Variants in UBXN6 observed in about 807,000 individuals in gnomAD.
UBXN6 encodes the protein UBX domain protein 6.
In UBXN6, 44 loss-of-function variants were observed where a neutral mutation model predicts 51.4. The ratio of observed to expected loss-of-function variants is 0.86; its 90% CI spans 0.67 to 1.10. The LOEUF (loss-of-function observed/expected upper bound fraction) is 1.10. Ranked by LOEUF, UBXN6 falls within the 50% of genes least tolerant of loss-of-function variation. UBXN6 has a pLI of 0.00. For missense variants in UBXN6, 672 were observed against 596.1 expected, an observed-to-expected ratio of 1.13 and a Z score of -1.32; for synonymous variants, 316 against 263.2, an observed-to-expected ratio of 1.20 and a Z score of -1.94.
chr19:4,456,221 C>T (rs975540527), intron 1 of UBXN6, among the ~76,000 whole-genome samples: 1 of 151,724 alleles, frequency 6.6e-6, no homozygotes, highest in African/African-American at 2.4e-5. Flanking sequence ...CCCAGCACCC[C>T]CCACCCACTA....
At chr19:4,456,657 G>A (rs775376208) in intron 1 of UBXN6, among the ~76,000 whole-genome samples, 79 of 151,950 alleles carry the variant, frequency 5.2e-4, no homozygotes, top group Non-Finnish European at 1.0e-3. Context: ...CCCTGCTCAG[G>A]CCCTTCTCTC....
chr19:4,446,860 CCTT>C lies in UBXN6; in HGVS notation c.673_675del (p.Lys225del), dbSNP rs1974542357. The C allele has an allele frequency of 6.2e-7, 1 of 1,614,088 alleles. No homozygotes were observed. Among genetic ancestry groups the C allele is most frequent in the Non-Finnish European group, 8.5e-7 (1 of 1,180,028 alleles). ...CCCTGATCCTGGGCGGGAAGCAACA[CCTT>C]CTGGAACCCAATGGCCTCAAAAAAC... On this transcript the variant is annotated inframe_deletion, in exon 7 of 11. Coordinates refer to ENST00000301281, the MANE Select transcript of UBXN6 (RefSeq NM_025241.3).
chr19:4,451,314 T>TC (rs777010232), intron 4 of UBXN6, among the ~76,000 whole-genome samples: 5 of 152,090 alleles, frequency 3.3e-5, no homozygotes, highest in Admixed American at 6.5e-5. Flanking sequence ...TGCCTCAGCC[T>TC]CCCAAAGCAC....
At chr19:4,445,714 C>T in intron 10 of UBXN6, 91 bp from the exon 11 acceptor site, 3 of 1,544,234 alleles carry the variant, frequency 1.9e-6, no homozygotes, top group East Asian at 4.5e-5. Context: ...CGGGGATGCC[C>T]CGGCCTGGAA....
intron 1 of UBXN6, chr19:4,455,175 G>A (rs375603947): frequency 1.8e-5 from 18 of 980,752 alleles, no homozygotes; most frequent in African/African-American, 3.5e-5. Context: ...CTGCTCGGAC[G>A]CGTCTGTCTC....
At chr19:4,457,102 A>T (rs900265296) in intron 1 of UBXN6, among the ~76,000 whole-genome samples, 1 of 151,716 alleles carries the variant, frequency 6.6e-6, no homozygotes. Flanking sequence ...GTCCTCCTCC[A>T]AGCTCAGCTC....
rs200528029 is a variant in UBXN6 at position 4,446,787 on chromosome 19, C to T, written c.700+49G>A. On this transcript the variant is annotated intron_variant, in intron 7 of 10. Transcript: ENST00000301281. ...ACCCCCAAGCCGGGCCCTCCTGCCC[C>T]GAGGCCCCTCGTCCCCATTCCCTAC... The T allele has an allele frequency of 9.2e-4, 1,490 of 1,613,258 alleles. 4 individuals are homozygous for T. The highest frequency in any genetic ancestry group is 3.1e-3 in the Admixed American group (186 of 59,980).
At chr19:4,455,885 T>C (rs1009236011) in intron 1 of UBXN6, among the ~76,000 whole-genome samples, 2 of 152,066 alleles carry the variant, frequency 1.3e-5, no homozygotes, top group Non-Finnish European at 2.9e-5. Flanking sequence ...CTCACCCTCC[T>C]TGGAGGCCCT....
In UBXN6 at chr19:4,447,203, G is replaced by A. The variant is rs1012731442; in HGVS notation, c.616-283C>T. ...TGGGGCCTGATGCGAGGCTAACACCGCCCAGGACCCCAGTCCCTGCCCTTT... is the reference window on the plus strand; with the variant it reads ...TGGGGCCTGATGCGAGGCTAACACCACCCAGGACCCCAGTCCCTGCCCTTT... On this transcript the variant is annotated intron_variant, in intron 6 of 10. Coordinates refer to ENST00000301281, the MANE Select transcript of UBXN6 (RefSeq NM_025241.3). The A allele has an allele frequency of 1.0e-4, 60 of 579,398 alleles. No homozygotes were observed. The South Asian group carries it at 1.1e-3, about 11-fold the overall frequency. The allele number at this position is 579,398 out of a possible 1,614,324, so 35.9% of individuals were successfully genotyped here.
intron 10 of UBXN6, 194 bp downstream of exon 10, chr19:4,445,855 T>C: frequency 9.4e-7 from 1 of 1,061,492 alleles, no homozygotes; most frequent in Non-Finnish European, 1.3e-6. Flanking sequence ...ATGGGGAAAC[T>C]GAGGCGTGGA....
chr19:4,450,758 C>CAAAAAAAAAAAA (rs58900477), intron 4 of UBXN6: 2 of 43,800 alleles, frequency 4.6e-5, no homozygotes, highest in African/African-American at 9.5e-5. Flanking sequence ...GACTCTGTCT[C>CAAAAAAAAAAAA]AAAAAAAAAA....
Position 4,447,575 on chromosome 19 carries a change from A to G in UBXN6, c.590T>C (p.Ile197Thr). The G allele has an allele frequency of 6.2e-7, 1 of 1,613,706 alleles. No homozygotes were observed. Among genetic ancestry groups the G allele is most frequent in the Non-Finnish European group, 8.5e-7 (1 of 1,179,820 alleles). ...CTGAAACACCTTGTTCTGCAGCTTG[A>G]TCTTCCGGTACTTCTCCTCCTCGGG... Reference protein sequence around the residue: ...LHPEEEKYRKIKLQNKVFQER... With the variant: ...LHPEEEKYRKTKLQNKVFQER... Residue 197 changes from isoleucine (I) to threonine (T), a missense_variant, in exon 6 of 11, where the codon ATC (isoleucine) becomes ACC (threonine). By Grantham distance (89) the Ile-to-Thr change is moderately conservative. Coordinates refer to ENST00000301281, the MANE Select transcript of UBXN6 (RefSeq NM_025241.3).
At chr19:4,447,054 G>A (rs1303639122) in intron 6 of UBXN6, 134 bp from the exon 7 acceptor site, 2 of 808,978 alleles carry the variant, frequency 2.5e-6, no homozygotes, top group Non-Finnish European at 4.0e-6. Flanking sequence ...AGCCCTGGGG[G>A]TGCCTCAGTG....
intron 3 of UBXN6, among the ~76,000 whole-genome samples, chr19:4,453,082 C>G (rs971622731): frequency 6.6e-6 from 1 of 152,238 alleles, no homozygotes; most frequent in Non-Finnish European, 1.5e-5. Context: ...TCTGAAACCA[C>G]AGACTGGCTC....
At position 4,457,756 on chromosome 19, in the gene UBXN6, G is replaced by C; in HGVS notation, c.-59C>G. 8 of 1,059,662 alleles carry C rather than the reference G, an allele frequency of 7.5e-6. No homozygotes were observed. Among genetic ancestry groups the C allele is most frequent in the Non-Finnish European group, 1.0e-5 (8 of 791,958 alleles). The allele number at this position is 1,059,662 out of a possible 1,614,324, so 65.6% of individuals were successfully genotyped here. ...GGGCGGGGGGGCACGGGGCCCAGTC[G>C]GGGACGGGGCCGCCGGAGACCAGCC... On this transcript the variant is annotated 5_prime_UTR_variant, in exon 1 of 11. Coordinates refer to ENST00000301281, the MANE Select transcript of UBXN6 (RefSeq NM_025241.3).
At chr19:4,447,419 T>A in intron 6 of UBXN6, 131 bp downstream of exon 6, 2 of 969,316 alleles carry the variant, frequency 2.1e-6, no homozygotes, top group East Asian at 2.4e-5. Flanking sequence ...GCCGAACCCT[T>A]CACTGCTTGT....
intron 5 of UBXN6, 55 bp from the exon 6 acceptor site, chr19:4,447,680 C>T (rs1006115308): frequency 1.3e-6 from 2 of 1,570,168 alleles, no homozygotes; most frequent in Non-Finnish European, 1.8e-6. Flanking sequence ...CACCCGGCCC[C>T]TCTGTGCCTC....
upstream of UBXN6, chr19:4,457,838 G>T: frequency 2.2e-6 from 1 of 462,966 alleles, no homozygotes; most frequent in Admixed American, 5.1e-5. Context: ...CCTCGCCGCC[G>T]GAAGTCCCGC....
chr19:4,453,316 A>G (rs1281180296), intron 3 of UBXN6, 142 bp downstream of exon 3: 1 of 923,174 alleles, frequency 1.1e-6, no homozygotes, highest in Non-Finnish European at 1.6e-6. Context: ...ACCGTGTTCC[A>G]CCACAACCTG....
Sources: gnomAD v4.1 joint callset for allele counts (sites outside exome capture counted in the v4.1 genomes callset) on GRCh38, gnomAD v4.1.1 for gene constraint, MANE v1.5 for transcripts, NCBI Gene and HGNC (gene_info 2026-07-23, HGNC 2026-07-21) for gene names.